GLIS3: variants seen among roughly 807,000 people sequenced by gnomAD.
GLIS3 encodes the protein zinc finger protein GLIS3.
GLIS3 carries 53 observed loss-of-function variants against 78.6 expected under a neutral mutation model. That is an observed-to-expected ratio of 0.67 (90% CI 0.54 to 0.85). GLIS3 has a LOEUF of 0.85. Among genes scored for constraint, GLIS3 ranks in the 40% least tolerant of loss-of-function variants. GLIS3 has a pLI of 0.00. For synonymous variants in GLIS3, 684 were observed against 509.9 expected (o/e 1.34, Z -4.60); for missense variants, 1,703 against 1,231.1 (o/e 1.38, Z -5.74).
At chr9:3,841,255 G>T (rs1453810122) in intron 9 of GLIS3, among the ~76,000 whole-genome samples, 1 of 152,166 alleles carries the variant, frequency 6.6e-6, no homozygotes, top group African/African-American at 2.4e-5. Flanking sequence ...GCCATGTGTG[G>T]ATATATACAG....
intron 2 of GLIS3, among the ~76,000 whole-genome samples, chr9:4,280,630 G>C (rs1424233176): frequency 6.6e-6 from 1 of 152,144 alleles, no homozygotes; most frequent in Non-Finnish European, 1.5e-5. Flanking sequence ...GTTATGCAAT[G>C]ATTGGTTAAT....
intron 8 of GLIS3, among the ~76,000 whole-genome samples, chr9:3,859,709 TCA>T (rs1430004828): frequency 2.0e-5 from 3 of 152,302 alleles, no homozygotes. Flanking sequence ...AGTTGACACT[TCA>T]GAGATTTCAC....
intron 2 of GLIS3, among the ~76,000 whole-genome samples, chr9:4,323,167 G>A (rs967909143): frequency 3.3e-5 from 5 of 152,104 alleles, no homozygotes; most frequent in African/African-American, 1.2e-4. Flanking sequence ...TTATTAAATA[G>A]GGAATCCTTT....
At chr9:4,397,277 G>C in the GLIS3 span, among the ~76,000 whole-genome samples, 18,206 of 144,748 alleles carry the variant, frequency 0.13, 1,379 homozygotes, top group South Asian at 0.19. Context: ...CGCCCGCCTC[G>C]GCCTCCCAAA....
intron 2 of GLIS3, among the ~76,000 whole-genome samples, chr9:4,269,351 G>C (rs576945620): frequency 4.0e-5 from 6 of 151,814 alleles, no homozygotes; most frequent in Non-Finnish European, 8.8e-5. Flanking sequence ...CTTGATCTGC[G>C]CTTAAAACCT....
At chr9:4,039,475 G>T (rs1824619537) in intron 4 of GLIS3, among the ~76,000 whole-genome samples, 1 of 152,140 alleles carries the variant, frequency 6.6e-6, no homozygotes, top group South Asian at 2.1e-4. Context: ...AAGCTGCTCT[G>T]ATGGGTCTCC....
chr9:3,937,057 C>T lies in GLIS3; in HGVS notation c.1843G>A (p.Ala615Thr), dbSNP rs752946704. The T allele has an allele frequency of 3.1e-6, 5 of 1,613,166 alleles. No individual in the cohort carries two copies. The highest frequency in any genetic ancestry group is 1.9e-4 in the Middle Eastern group (1 of 5,394). The change falls in exon 5 of 11, where the codon GCC (alanine) becomes ACC (threonine). Residue 615 changes from alanine to threonine, a missense_variant. Transcript: ENST00000381971. ...QKAFSNSSDR[A>T]KHQRTHLDTK... ...TCCAGATGCGTCCGCTGGTGTTTGG[C>T]GCGGTCACTGGAGTTACTGAAGGCC...
intron 4 of GLIS3, among the ~76,000 whole-genome samples, chr9:3,990,398 C>T (rs963288861): frequency 6.6e-6 from 1 of 152,282 alleles, no homozygotes; most frequent in South Asian, 2.1e-4. Context: ...GTTTTCTTCA[C>T]CAAAGATCGA....
intron 4 of GLIS3, among the ~76,000 whole-genome samples, chr9:4,306,620 A>G (rs1237713947): frequency 6.6e-6 from 1 of 152,214 alleles, no homozygotes; most frequent in Non-Finnish European, 1.5e-5. Context: ...AAACAGAGGC[A>G]CCCAGATTTT....
intron 2 of GLIS3, among the ~76,000 whole-genome samples, chr9:4,174,467 T>C (rs908563740): frequency 6.6e-6 from 1 of 152,172 alleles, no homozygotes; most frequent in African/African-American, 2.4e-5. Context: ...ATAAAATACA[T>C]AGGGTACAAA....
the GLIS3 span, among the ~76,000 whole-genome samples, chr9:4,485,259 T>A: frequency 1.3e-5 from 2 of 151,612 alleles, no homozygotes; most frequent in Non-Finnish European, 2.9e-5. Flanking sequence ...AAGTAATCCA[T>A]CCTCCTCGGC....
intron 2 of GLIS3, among the ~76,000 whole-genome samples, chr9:4,182,350 A>C (rs1370788877): frequency 2.6e-5 from 4 of 152,188 alleles, no homozygotes; most frequent in Non-Finnish European, 5.9e-5. Context: ...GTACTCCTTC[A>C]ACACTCTTAA....
At chr9:4,206,899 G>A (rs969905429) in intron 2 of GLIS3, among the ~76,000 whole-genome samples, 1 of 150,486 alleles carries the variant, frequency 6.6e-6, no homozygotes, top group African/African-American at 2.5e-5. Context: ...CTGGGAGGAA[G>A]GGGGGAGGAC....
chr9:4,250,990 T>C (rs1335539604), intron 2 of GLIS3, among the ~76,000 whole-genome samples: 1 of 152,148 alleles, frequency 6.6e-6, no homozygotes, highest in East Asian at 1.9e-4. Flanking sequence ...ATGATTTCCA[T>C]TCTTTTGCAT....
chr9:4,121,908 T>C (rs1832223101), intron 3 of GLIS3, among the ~76,000 whole-genome samples: 1 of 152,218 alleles, frequency 6.6e-6, no homozygotes, highest in Non-Finnish European at 1.5e-5. Flanking sequence ...TTCTGGCCTC[T>C]AACTCCTGCT....
chr9:4,030,528 G>A (rs1200738635), intron 4 of GLIS3, among the ~76,000 whole-genome samples: 1 of 152,150 alleles, frequency 6.6e-6, no homozygotes, highest in African/African-American at 2.4e-5. Flanking sequence ...CCAATGTCCT[G>A]GAGACTTTCC....
At chr9:4,356,502 T>A in the GLIS3 span, among the ~76,000 whole-genome samples, 56 of 152,332 alleles carry the variant, frequency 3.7e-4, no homozygotes, top group Non-Finnish European at 6.8e-4. Context: ...ACAATGGGAA[T>A]GACTGACAGA....
chr9:3,912,892 T>A (rs956964187), intron 6 of GLIS3, among the ~76,000 whole-genome samples: 6 of 152,244 alleles, frequency 3.9e-5, no homozygotes, highest in African/African-American at 1.4e-4. Context: ...GATGAAGGGT[T>A]TACTTTTATC....
the GLIS3 span, among the ~76,000 whole-genome samples, chr9:4,429,869 A>G: frequency 6.6e-6 from 1 of 152,254 alleles, no homozygotes; most frequent in South Asian, 2.1e-4. Context: ...TTTTTCATGC[A>G]TTACCTTGGA....
Sources: allele counts gnomAD v4.1 joint callset (sites outside exome capture counted in the v4.1 genomes callset), GRCh38; gene constraint gnomAD v4.1.1; transcripts MANE v1.5; gene names NCBI Gene and HGNC (gene_info 2026-07-23, HGNC 2026-07-21).